Variants in LHFPL2 observed in about 807,000 individuals in gnomAD.
LHFPL2 encodes the protein LHFPL tetraspan subfamily member 2 protein.
In LHFPL2, 7 loss-of-function variants were observed where a neutral mutation model predicts 17.5. The ratio of observed to expected loss-of-function variants is 0.40; its 90% CI spans 0.23 to 0.75. The LOEUF (loss-of-function observed/expected upper bound fraction) is 0.75, where lower values mean the gene tolerates loss of function less well. LHFPL2 is among the 30% of genes least tolerant of loss of function. The pLI, the probability that LHFPL2 is intolerant of heterozygous loss-of-function variation, is 0.37. For synonymous variants in LHFPL2, 134 were observed against 116.2 expected, an observed-to-expected ratio of 1.15 and a Z score of -0.99; for missense variants, 241 against 294.8, an observed-to-expected ratio of 0.82 and a Z score of 1.34.
intron 2 of LHFPL2, among the ~76,000 whole-genome samples, chr5:78,585,296 C>T (rs1259975809): frequency 3.0e-5 from 2 of 67,650 alleles, no homozygotes; most frequent in Non-Finnish European, 7.7e-5. Context: ...CGTGAGCCAC[C>T]GCGCCCGGCC....
chr5:78,641,573 T>A (rs1038947904), intron 1 of LHFPL2, among the ~76,000 whole-genome samples: 5 of 152,176 alleles, frequency 3.3e-5, no homozygotes, highest in Admixed American at 2.0e-4. Flanking sequence ...TTGGAAGTCT[T>A]AAATAAAGTT....
At chr5:78,494,277 G>C (rs1007629828) in intron 4 of LHFPL2, 1 of 731,076 alleles carries the variant, frequency 1.4e-6, no homozygotes, top group Non-Finnish European at 1.7e-6. Context: ...AAGAAGAAAT[G>C]GGGGGGAGAA....
intron 3 of LHFPL2, among the ~76,000 whole-genome samples, chr5:78,559,982 C>T (rs1332228100): frequency 6.6e-6 from 1 of 152,160 alleles, no homozygotes; most frequent in East Asian, 1.9e-4. Context: ...TGGAAAAATA[C>T]AACAATGGCG....
chr5:78,640,076 C>T (rs1052411342), intron 1 of LHFPL2, among the ~76,000 whole-genome samples: 8 of 152,058 alleles, frequency 5.3e-5, no homozygotes, highest in African/African-American at 1.9e-4. Context: ...ACAATAGAAT[C>T]AGGAGAGGAA....
chr5:78,503,515 G>T (rs989026215), intron 4 of LHFPL2, among the ~76,000 whole-genome samples: 1 of 152,138 alleles, frequency 6.6e-6, no homozygotes, highest in Non-Finnish European at 1.5e-5. Flanking sequence ...TGGCCAACGT[G>T]GTGAAACCCC....
At chr5:78,623,498 AAAC>A (rs1744931721) in intron 2 of LHFPL2, among the ~76,000 whole-genome samples, 1 of 152,240 alleles carries the variant, frequency 6.6e-6, no homozygotes, top group Non-Finnish European at 1.5e-5. Flanking sequence ...TATTGCATTG[AAAC>A]TATGTCACAT....
intron 1 of LHFPL2, among the ~76,000 whole-genome samples, chr5:78,646,023 A>G (rs1323846179): frequency 6.6e-6 from 1 of 152,220 alleles, no homozygotes; most frequent in Non-Finnish European, 1.5e-5. Context: ...GTTCATTACT[A>G]TAGTTTTCTT....
At chr5:78,525,205 A>G (rs1755581893) in intron 3 of LHFPL2, among the ~76,000 whole-genome samples, 2 of 152,238 alleles carry the variant, frequency 1.3e-5, no homozygotes, top group Admixed American at 6.5e-5. Flanking sequence ...GTTTAGACCC[A>G]GGGACTGAGA....
intron 2 of LHFPL2, among the ~76,000 whole-genome samples, chr5:78,615,312 G>C (rs1744562068): frequency 6.6e-6 from 1 of 151,974 alleles, no homozygotes; most frequent in Middle Eastern, 3.2e-3. Context: ...ATTTATGCAA[G>C]AAATACCTGT....
Position 78,510,266 on chromosome 5 carries a change from A to C in LHFPL2, c.-53T>G, listed in dbSNP as rs907216133. On this transcript the variant is annotated 5_prime_UTR_variant, in exon 4 of 5. Transcript: ENST00000380345. ...AGGAGTCCACGGAGTTAATCAAAAC[A>C]AGAAAGTCGGTGGGGAAGGAGGCTC... The C allele has an allele frequency of 4.0e-6, 6 of 1,495,472 alleles. No homozygotes were observed. In the African/African-American group the frequency reaches 8.4e-5, roughly 21 times the overall value. 92.6% of individuals were successfully genotyped at this position (1,495,472 alleles called of 1,614,324 possible).
Position 78,581,219 on chromosome 5 carries a change from C to T in LHFPL2, c.-244-16348G>A, listed in dbSNP as rs538786239. Among the ~76,000 whole-genome samples, 25 of 152,280 alleles carry T rather than the reference C, an allele frequency of 1.6e-4. No homozygotes were observed. In the South Asian group the frequency reaches 4.8e-3, roughly 29 times the overall value. ...TTGACGATGGGGTTTTCTAGATATA[C>T]AATCATGTCATCTGCAAACAGGGAC... On this transcript the variant is annotated intron_variant, in intron 2 of 4. Transcript: ENST00000380345.
rs147535359 is a variant in LHFPL2 at position 78,496,052 on chromosome 5, CAG to C, written c.431-6901_431-6900del. Among the ~76,000 whole-genome samples, 1,375 of 152,322 alleles carry C rather than the reference CAG, an allele frequency of 9.0e-3. 17 individuals carry two copies. Among genetic ancestry groups the C allele is most frequent in the African/African-American group, 0.031 (1,295 of 41,554 alleles). ...AAATGTTTGTCACCACTTCCTGCCA[CAG>C]GGTTATTCTCGTTGTGTTCCCACCT... is the stretch of plus-strand genomic sequence containing the variant. On this transcript the variant is annotated intron_variant, in intron 4 of 4. Transcript: ENST00000380345.
intron 2 of LHFPL2, among the ~76,000 whole-genome samples, chr5:78,578,585 G>GCACACACACACA (rs61127481): frequency 1.5e-4 from 22 of 146,996 alleles, no homozygotes; most frequent in African/African-American, 4.7e-4. Flanking sequence ...TTGCATATGT[G>GCACACACACACA]CACACACACA....
At chr5:78,490,746 C>CAAAAAAAAAAAAAAAAAA (rs370809060) in intron 4 of LHFPL2, among the ~76,000 whole-genome samples, 16 of 92,124 alleles carry the variant, frequency 1.7e-4, no homozygotes, top group African/African-American at 7.8e-4. Flanking sequence ...GACTCCCTCT[C>CAAAAAAAAAAAAAAAAAA]AAAAAAAAAA....
chr5:78,560,334 C>A (rs887560487), intron 3 of LHFPL2, among the ~76,000 whole-genome samples: 2 of 152,228 alleles, frequency 1.3e-5, no homozygotes, highest in Admixed American at 1.3e-4. Flanking sequence ...AAGCATCTAG[C>A]CAGCAATCAT....
chr5:78,580,447 T>C (rs1743080533), intron 2 of LHFPL2, among the ~76,000 whole-genome samples: 1 of 151,420 alleles, frequency 6.6e-6, no homozygotes, highest in Non-Finnish European at 1.5e-5. Flanking sequence ...TGGTAATGCC[T>C]AGGTTTTCTT....
rs915194281 is a variant in LHFPL2 at position 78,486,064 on chromosome 5, C to G, written c.*2833G>C. 6.6e-6 allele frequency: 1 copy of G among 152,586 alleles called. No individual in the cohort carries two copies. The allele number at this position is 152,586 out of a possible 1,614,324, so 9.5% of individuals were successfully genotyped here. A position where few individuals can be genotyped will look rare whatever the true frequency, so the allele number is the denominator to read the frequency against. ...CCTTTGTTATTGCACATCTTTCACA[C>G]AAACTTGTGTATGTATAATATACAT... On this transcript the variant is annotated 3_prime_UTR_variant, in exon 5 of 5. Transcript: ENST00000380345.
rs561544580 is a variant in LHFPL2, at chr5:78,517,695, G to A, written c.-185-7297C>T. On this transcript the variant is annotated intron_variant, in intron 3 of 4. Coordinates refer to ENST00000380345, the MANE Select transcript of LHFPL2 (RefSeq NM_005779.3). ...CATGAGAACAGCATGGGAAAAACTC[G>A]CCCCCATGATTCAATTACCTCCCAT... Among the ~76,000 whole-genome samples, 6 of 152,198 alleles carry A rather than the reference G, an allele frequency of 3.9e-5. 1 individual carries two copies. Among genetic ancestry groups the A allele is most frequent in the South Asian group, 4.1e-4 (2 of 4,820 alleles).
At chr5:78,550,231 G>T (rs548435105) in intron 3 of LHFPL2, among the ~76,000 whole-genome samples, 2 of 152,300 alleles carry the variant, frequency 1.3e-5, no homozygotes, top group South Asian at 2.1e-4. Flanking sequence ...AAAAGAAAAG[G>T]CTCATCCATC....
Sources: allele counts gnomAD v4.1 joint callset (sites outside exome capture counted in the v4.1 genomes callset), GRCh38; gene constraint gnomAD v4.1.1; transcripts MANE v1.5; gene names NCBI Gene and HGNC (gene_info 2026-07-23, HGNC 2026-07-21).